CNTNAP2: variants seen among roughly 807,000 people sequenced by gnomAD.
The protein encoded by CNTNAP2 is contactin associated protein 2, also known as contactin-associated protein-like 2.
A neutral mutation model predicts 155.2 loss-of-function variants in CNTNAP2; 98 were observed. That is an observed-to-expected ratio of 0.63 (90% CI 0.54 to 0.75). The LOEUF (loss-of-function observed/expected upper bound fraction) is 0.75. Ranked by LOEUF, CNTNAP2 falls within the 30% of genes least tolerant of loss-of-function variation. The pLI is 0.00. For synonymous variants in CNTNAP2, 651 were observed against 631.2 expected (o/e 1.03, Z -0.47); for missense variants, 1,727 against 1,688.1 (o/e 1.02, Z -0.40).
At chr7:148,162,873 G>A (rs1298187081) in intron 17 of CNTNAP2, among the ~76,000 whole-genome samples, 1 of 152,194 alleles carries the variant, frequency 6.6e-6, no homozygotes, top group Non-Finnish European at 1.5e-5. Flanking sequence ...GGTGACATGT[G>A]CCTGTAACCC....
At chr7:146,468,445 A>C (rs930725983) in intron 1 of CNTNAP2, among the ~76,000 whole-genome samples, 1 of 136,256 alleles carries the variant, frequency 7.3e-6, no homozygotes, top group Non-Finnish European at 1.5e-5. Flanking sequence ...AGTCAGGAAG[A>C]AAAAAAAAAA....
At chr7:147,163,703 T>G (rs1802071173) in intron 8 of CNTNAP2, among the ~76,000 whole-genome samples, 1 of 152,112 alleles carries the variant, frequency 6.6e-6, no homozygotes, top group Non-Finnish European at 1.5e-5. Context: ...ACAAGTTAGG[T>G]GTGAAGAAAT....
chr7:146,361,680 T>A (rs1795085160), intron 1 of CNTNAP2, among the ~76,000 whole-genome samples: 4 of 152,140 alleles, frequency 2.6e-5, no homozygotes, highest in Admixed American at 2.6e-4. Context: ...TCTTTATAGG[T>A]CAGGATCCAT....
intron 4 of CNTNAP2, among the ~76,000 whole-genome samples, chr7:147,096,708 G>A (rs897839050): frequency 3.3e-5 from 5 of 152,196 alleles, no homozygotes; most frequent in African/African-American, 1.2e-4. Flanking sequence ...GCCACAAGTT[G>A]TGTAAGTACT....
intron 15 of CNTNAP2, among the ~76,000 whole-genome samples, chr7:148,095,233 C>T (rs75006129): frequency 0.027 from 4,120 of 152,206 alleles, 78 homozygotes; most frequent in Non-Finnish European, 0.039. Context: ...TGTCGTTCTG[C>T]ATCAATGCTG....
rs1429526235 is a variant in CNTNAP2 at position 148,062,026 on chromosome 7, A to AGTGTGT, written c.2384-56091_2384-56090insTGTGTG. On this transcript the variant is annotated intron_variant, in intron 15 of 23. Coordinates refer to ENST00000361727, the MANE Select transcript of CNTNAP2 (RefSeq NM_014141.6). ...AGATAGATGATAGAGAGAGAGAGAG[A>AGTGTGT]GAGTGTGTGTGTGTGTGTGTGTGTG... Among the ~76,000 whole-genome samples, 46 of 132,054 alleles carry AGTGTGT rather than the reference A, an allele frequency of 3.5e-4. 2 individuals are homozygous for AGTGTGT. Among genetic ancestry groups the AGTGTGT allele is most frequent in the African/African-American group, 1.2e-3 (42 of 34,078 alleles). 86.6% of individuals were successfully genotyped at this position (132,054 alleles called of 152,430 possible).
intron 1 of CNTNAP2, among the ~76,000 whole-genome samples, chr7:146,637,423 T>C (rs527848419): frequency 5.3e-5 from 8 of 152,324 alleles, no homozygotes; most frequent in Admixed American, 4.6e-4. Context: ...TTTGCTTTTT[T>C]CATTCTTCCT....
intron 1 of CNTNAP2, among the ~76,000 whole-genome samples, chr7:146,683,411 G>A (rs984800832): frequency 6.6e-6 from 1 of 152,130 alleles, no homozygotes; most frequent in Non-Finnish European, 1.5e-5. Flanking sequence ...CAATAAAAGT[G>A]TCAAATGGTT....
intron 13 of CNTNAP2, among the ~76,000 whole-genome samples, chr7:147,841,101 A>C (rs915522606): frequency 6.6e-6 from 1 of 152,126 alleles, no homozygotes; most frequent in Non-Finnish European, 1.5e-5. Context: ...GTAAATTTTC[A>C]CCCCCTGCCC....
At chr7:146,600,255 T>C (rs1468601410) in intron 1 of CNTNAP2, among the ~76,000 whole-genome samples, 2 of 152,246 alleles carry the variant, frequency 1.3e-5, no homozygotes, top group African/African-American at 4.8e-5. Flanking sequence ...GCATTTTCTT[T>C]TCATTACAAC....
chr7:146,450,863 C>T (rs1288357729), intron 1 of CNTNAP2, among the ~76,000 whole-genome samples: 1 of 152,084 alleles, frequency 6.6e-6, no homozygotes, highest in East Asian at 1.9e-4. Flanking sequence ...TAAAATAACA[C>T]ATCACGTAGA....
chr7:147,905,057 G>T (rs1799937241), intron 14 of CNTNAP2, among the ~76,000 whole-genome samples: 1 of 152,070 alleles, frequency 6.6e-6, no homozygotes, highest in Non-Finnish European at 1.5e-5. Context: ...AACAAATATT[G>T]ATCAAATACT....
chr7:147,882,593 T>G (rs1403775867), intron 13 of CNTNAP2, among the ~76,000 whole-genome samples: 1 of 152,034 alleles, frequency 6.6e-6, no homozygotes, highest in Non-Finnish European at 1.5e-5. Context: ...GGGACCAGAG[T>G]GGAGGTAGGA....
At chr7:146,892,891 C>G (rs1193529448) in intron 3 of CNTNAP2, among the ~76,000 whole-genome samples, 4 of 152,162 alleles carry the variant, frequency 2.6e-5, no homozygotes, top group African/African-American at 9.7e-5. Context: ...GTATAAACTT[C>G]TGATCGTAAT....
intron 13 of CNTNAP2, among the ~76,000 whole-genome samples, chr7:147,868,617 T>C (rs1410175734): frequency 6.6e-6 from 1 of 152,224 alleles, no homozygotes; most frequent in Non-Finnish European, 1.5e-5. Context: ...TGAGCTGTGG[T>C]GGGCTCTACC....
intron 1 of CNTNAP2, among the ~76,000 whole-genome samples, chr7:146,768,530 G>A (rs1371322962): frequency 6.6e-6 from 1 of 151,826 alleles, no homozygotes; most frequent in Non-Finnish European, 1.5e-5. Flanking sequence ...ATGATGGAAA[G>A]GAATAGTCAT....
chr7:146,228,646 A>G (rs1799334167), intron 1 of CNTNAP2, among the ~76,000 whole-genome samples: 1 of 152,174 alleles, frequency 6.6e-6, no homozygotes, highest in Non-Finnish European at 1.5e-5. Flanking sequence ...AAATATTACC[A>G]ACATTAACTC....
At chr7:146,205,867 G>A (rs1260514146) in intron 1 of CNTNAP2, among the ~76,000 whole-genome samples, 2 of 151,882 alleles carry the variant, frequency 1.3e-5, no homozygotes, top group East Asian at 1.9e-4. Context: ...GTCATAGACA[G>A]AAGTTTTATT....
chr7:146,270,805 T>G (rs1295199128), intron 1 of CNTNAP2, among the ~76,000 whole-genome samples: 5 of 152,244 alleles, frequency 3.3e-5, no homozygotes, highest in African/African-American at 1.2e-4. Context: ...AAGCACACTG[T>G]TTCACACATA....
Sources: allele counts gnomAD v4.1 joint callset (sites outside exome capture counted in the v4.1 genomes callset), GRCh38; gene constraint gnomAD v4.1.1; transcripts MANE v1.5; gene names NCBI Gene and HGNC (gene_info 2026-07-23, HGNC 2026-07-21).